MYOM1: variants seen among roughly 807,000 people sequenced by gnomAD.
MYOM1 encodes myomesin 1, also known as myomesin-1.
MYOM1 carries 164 observed loss-of-function variants against 205.3 expected under a neutral mutation model. That is an observed-to-expected ratio of 0.80 (90% CI 0.70 to 0.91). MYOM1 has a LOEUF of 0.91. Ranked by LOEUF, MYOM1 falls within the 40% of genes least tolerant of loss-of-function variation. The probability of loss-of-function intolerance (pLI) is 0.00; values close to 1 mark genes in which losing one functional copy is unlikely to be tolerated. For missense variants in MYOM1, 2,011 were observed against 2,127.3 expected (o/e 0.95, Z 1.08); for synonymous variants, 772 against 789.4 (o/e 0.98, Z 0.37).
the MYOM1 span, among the ~76,000 whole-genome samples, chr18:3,237,598 CAAAAAAAAAAAAAAAA>C: frequency 1.9e-5 from 1 of 53,608 alleles, no homozygotes; most frequent in African/African-American, 7.7e-5. Context: ...GACTCCGTCT[CAAAAAAAAAAAAAAAA>C]AAAAAAAAGG....
chr18:3,129,472 C>T lies in MYOM1; in HGVS notation c.2554G>A (p.Gly852Ser), dbSNP rs1356425380. ...CGCCCCCTGGAGGCGGTTAGTCCAC[C>T]AGGCTCATCGCTCAGTGCGGGACAC... ...DVCPALSDEP[G>S]GLTASRGRVH... The change falls in exon 18 of 38, where the codon GGT becomes AGT. Residue 852 changes from glycine to serine, a missense_variant. By Grantham distance (56) the Gly-to-Ser change is moderately conservative. Transcript: ENST00000356443. 1 of 1,613,912 alleles carries T rather than the reference C, an allele frequency of 6.2e-7. No homozygotes were observed. The highest frequency in any genetic ancestry group is 1.3e-5 in the African/African-American group (1 of 75,060).
At position 3,168,977 on chromosome 18, in the gene MYOM1, A is replaced by G. The variant is rs1331218804; in HGVS notation, c.1179T>C (p.Gly393=). 6.2e-7 allele frequency: 1 copy of G among 1,609,894 alleles called. No homozygotes were observed. The highest frequency in any genetic ancestry group is 1.3e-5 in the African/African-American group (1 of 74,786). Residue 393 remains glycine, a synonymous_variant, in exon 9 of 38, where the codon GGT becomes GGC. Coordinates refer to ENST00000356443, the MANE Select transcript of MYOM1 (RefSeq NM_003803.4). ...GGGATGCATAACCATATGGGGTCAC[A>G]CCAACTGGGTACAAAAATAACAAAT... is the stretch of plus-strand genomic sequence containing the variant. ...AGASTMPLSF[G]VTPYGYASRF...
intron 34 of MYOM1, among the ~76,000 whole-genome samples, chr18:3,076,730 T>C (rs2079024400): frequency 6.6e-6 from 1 of 151,886 alleles, no homozygotes; most frequent in African/African-American, 2.4e-5. Context: ...AGCTTTTTTT[T>C]TTTTTTTGAG....
chr18:3,176,211 T>C, intron 5 of MYOM1, 77 bp from the exon 6 acceptor site: 2 of 838,698 alleles, frequency 2.4e-6, no homozygotes, highest in Non-Finnish European at 4.0e-6. Context: ...ACAATTCTTG[T>C]TCTTGCAGGA....
At chr18:3,080,948 A>G (rs2079078280) in intron 33 of MYOM1, among the ~76,000 whole-genome samples, 1 of 152,040 alleles carries the variant, frequency 6.6e-6, no homozygotes, top group Non-Finnish European at 1.5e-5. Flanking sequence ...CCTGGCCAGC[A>G]TGGTGAAACC....
At chr18:3,136,245 T>A (rs972911010) in intron 14 of MYOM1, among the ~76,000 whole-genome samples, 14 of 152,136 alleles carry the variant, frequency 9.2e-5, no homozygotes, top group Admixed American at 8.5e-4. Flanking sequence ...ACCCAGTCTC[T>A]GGTATGTCGA....
chr18:3,215,288 G>T, intron 1 of MYOM1, 37 bp from the exon 2 acceptor site: 1 of 1,457,578 alleles, frequency 6.9e-7, no homozygotes, highest in Non-Finnish European at 9.3e-7. Flanking sequence ...GACTTATTAA[G>T]GAACAAATTC....
At chr18:3,193,644 G>GT (rs2080951076) in intron 3 of MYOM1, among the ~76,000 whole-genome samples, 174 bp downstream of exon 3, 1 of 152,086 alleles carries the variant, frequency 6.6e-6, no homozygotes, top group South Asian at 2.1e-4. Flanking sequence ...TCAGTATATA[G>GT]TAAGTGCTTA....
intron 13 of MYOM1, among the ~76,000 whole-genome samples, chr18:3,148,866 A>G (rs978496070): frequency 6.7e-6 from 1 of 150,028 alleles, no homozygotes; most frequent in Non-Finnish European, 1.5e-5. Flanking sequence ...AAAAAAAAAA[A>G]AAAAAAGAAA....
chr18:3,181,141 G>T (rs917907540), intron 5 of MYOM1, among the ~76,000 whole-genome samples: 1 of 152,120 alleles, frequency 6.6e-6, no homozygotes, highest in Non-Finnish European at 1.5e-5. Flanking sequence ...TGGCCAGGCT[G>T]GTCTCAAACT....
chr18:3,101,167 C>T (rs1481567941), intron 23 of MYOM1, among the ~76,000 whole-genome samples: 3 of 152,186 alleles, frequency 2.0e-5, no homozygotes, highest in African/African-American at 7.2e-5. Context: ...GGCAGAAAAA[C>T]ATCCTTTAAT....
intron 2 of MYOM1, among the ~76,000 whole-genome samples, chr18:3,213,301 T>A (rs1158252503): frequency 6.6e-6 from 1 of 152,350 alleles, no homozygotes; most frequent in East Asian, 1.9e-4. Flanking sequence ...AAGTATGTTA[T>A]GTTTATAGCA....
At chr18:3,224,954 C>T (rs1480920942), upstream of MYOM1, among the ~76,000 whole-genome samples, 4 of 151,970 alleles carry the variant, frequency 2.6e-5, no homozygotes, top group African/African-American at 7.2e-5. Flanking sequence ...CGTGAGCCAC[C>T]GTGCCCGGCC....
At chr18:3,154,880 A>G (rs747003299) in intron 11 of MYOM1, 67 bp downstream of exon 11, 35 of 1,516,750 alleles carry the variant, frequency 2.3e-5, no homozygotes, top group Non-Finnish European at 3.1e-5. Context: ...ACTAGAAATG[A>G]TGGGAGAAAT....
At position 3,193,338 on chromosome 18, in the gene MYOM1, GTACATATACATATA is replaced by G. The variant is rs2080942550; in HGVS notation, c.431+466_431+479del. ...TGTATATGTACATATACATATATAT[GTACATATACATATA>G]TATATATATACACACACACACACAC... On this transcript the variant is annotated intron_variant, in intron 3 of 37. Transcript: ENST00000356443. Among the ~76,000 whole-genome samples, 3 of 119,170 alleles carry G rather than the reference GTACATATACATATA, an allele frequency of 2.5e-5. 1 individual carries two copies. The Middle Eastern group carries it at 0.013, about 527-fold the overall frequency. 78.2% of individuals were successfully genotyped at this position (119,170 alleles called of 152,430 possible).
chr18:3,121,032 A>T (rs2079682918), intron 19 of MYOM1, among the ~76,000 whole-genome samples: 1 of 152,234 alleles, frequency 6.6e-6, no homozygotes, highest in Admixed American at 6.5e-5. Flanking sequence ...AAAAGAAGAG[A>T]GAGTTTGTAA....
At chr18:3,206,537 C>T (rs892492001) in intron 2 of MYOM1, among the ~76,000 whole-genome samples, 5 of 152,120 alleles carry the variant, frequency 3.3e-5, no homozygotes, top group Non-Finnish European at 7.4e-5. Flanking sequence ...ATTTTCTGTT[C>T]GCCACAATTT....
intron 2 of MYOM1, among the ~76,000 whole-genome samples, chr18:3,203,679 C>T (rs764987596): frequency 4.6e-5 from 7 of 150,874 alleles, no homozygotes; most frequent in South Asian, 2.1e-4. Flanking sequence ...CAAATAGCTT[C>T]GCTAATGAAG....
intron 22 of MYOM1, among the ~76,000 whole-genome samples, chr18:3,103,500 C>T (rs2079409436): frequency 6.6e-6 from 1 of 151,914 alleles, no homozygotes; most frequent in Non-Finnish European, 1.5e-5. Flanking sequence ...ATGCCTAAAT[C>T]CAGTTGAAAG....
Sources: gnomAD v4.1 joint callset for allele counts (sites outside exome capture counted in the v4.1 genomes callset) on GRCh38, gnomAD v4.1.1 for gene constraint, MANE v1.5 for transcripts, NCBI Gene and HGNC (gene_info 2026-07-23, HGNC 2026-07-21) for gene names.